LRRN1: variants seen among roughly 807,000 people sequenced by gnomAD.
LRRN1 encodes the protein leucine-rich repeat neuronal protein 1.
A neutral mutation model predicts 45.8 loss-of-function variants in LRRN1; 14 were observed. That is an observed-to-expected ratio of 0.31 (90% CI 0.20 to 0.48). The LOEUF (loss-of-function observed/expected upper bound fraction) is 0.48, where lower values mean the gene tolerates loss of function less well. LRRN1 is among the 20% of genes least tolerant of loss of function. The pLI, the probability that LRRN1 is intolerant of heterozygous loss-of-function variation, is 0.99. For missense variants in LRRN1, 789 were observed against 874.2 expected (o/e 0.90, Z 1.23); for synonymous variants, 359 against 330.1 (o/e 1.09, Z -0.95).
At chr3:3,822,004 T>G (rs1326152002) in intron 1 of LRRN1, among the ~76,000 whole-genome samples, 6 of 152,196 alleles carry the variant, frequency 3.9e-5, no homozygotes, top group Non-Finnish European at 8.8e-5. Flanking sequence ...GGAGTCTCCC[T>G]GCCCAGACGG....
intron 1 of LRRN1, among the ~76,000 whole-genome samples, chr3:3,833,306 T>C (rs1480732655): frequency 6.6e-6 from 1 of 152,208 alleles, no homozygotes; most frequent in Non-Finnish European, 1.5e-5. Flanking sequence ...GCTTGCTCAC[T>C]GTGGGCCATC....
In LRRN1 at chr3:3,849,160, C is replaced by T. The variant is rs566292448; in HGVS notation, c.*2368C>T. On this transcript the variant is annotated 3_prime_UTR_variant, in exon 2 of 2. Coordinates refer to ENST00000319331, the MANE Select transcript of LRRN1 (RefSeq NM_020873.7). ...AATTGCAAATCTGCGAGGTTTCATT[C>T]GGCCCATAAAGCAAACATTTGAACT... Among the ~76,000 whole-genome samples, 2 of 152,136 alleles carry T rather than the reference C, an allele frequency of 1.3e-5. No homozygotes were observed. Among genetic ancestry groups the T allele is most frequent in the African/African-American group, 2.4e-5 (1 of 41,424 alleles).
chr3:3,837,093 A>G (rs945495928), intron 1 of LRRN1, among the ~76,000 whole-genome samples: 6 of 152,136 alleles, frequency 3.9e-5, no homozygotes, highest in African/African-American at 1.4e-4. Context: ...CTTTCTCTGG[A>G]CTAAATTCCA....
rs1241867104 is a variant in LRRN1, at chr3:3,844,347, C to T, written c.-278-17C>T. On this transcript the variant is annotated splice_polypyrimidine_tract_variant and intron_variant, in intron 1 of 1. Transcript: ENST00000319331. ...TATATGGAATAAGCATAACATCTGTCCTAATCTAATTTTCAGGCACATCTC... is the reference window on the plus strand; with the variant it reads ...TATATGGAATAAGCATAACATCTGTTCTAATCTAATTTTCAGGCACATCTC... 9.2e-6 allele frequency: 3 copies of T among 325,926 alleles called. No homozygotes were observed. Among genetic ancestry groups the T allele is most frequent in the Admixed American group, 4.5e-5 (1 of 22,296 alleles). 20.2% of individuals were successfully genotyped at this position (325,926 alleles called of 1,614,324 possible). A position where few individuals can be genotyped will look rare whatever the true frequency, so the allele number is the denominator to read the frequency against.
intron 1 of LRRN1, among the ~76,000 whole-genome samples, chr3:3,814,484 G>A (rs1453353246): frequency 6.6e-6 from 1 of 151,868 alleles, no homozygotes; most frequent in Non-Finnish European, 1.5e-5. Flanking sequence ...CATCCTTTGT[G>A]AGTTGACTTT....
chr3:3,813,091 T>C (rs1426919042), intron 1 of LRRN1, among the ~76,000 whole-genome samples: 3 of 152,220 alleles, frequency 2.0e-5, no homozygotes, highest in African/African-American at 7.2e-5. Context: ...ACATTTCTCT[T>C]GCTTGGCATG....
At chr3:3,814,971 CT>C (rs369686341) in intron 1 of LRRN1, among the ~76,000 whole-genome samples, 2 of 152,078 alleles carry the variant, frequency 1.3e-5, no homozygotes, top group Admixed American at 1.3e-4. Context: ...CTTTTTAAAA[CT>C]TTTCTGTATT....
At chr3:3,813,078 GA>G (rs1336482041) in intron 1 of LRRN1, among the ~76,000 whole-genome samples, 1 of 152,094 alleles carries the variant, frequency 6.6e-6, no homozygotes, top group Admixed American at 6.5e-5. Context: ...GGTGATAGCC[GA>G]AACATTTCTC....
Position 3,845,628 on chromosome 3 carries a change from C to T in LRRN1, c.987C>T (p.His329=). ...ATNNPKLSYI[H]RLAFRSVPAL... Reference sequence around the variant, plus strand: ...ATAACCCTAAACTCTCTTACATCCACCGCTTGGCTTTCCGAAGTGTCCCTG... The same window carrying T: ...ATAACCCTAAACTCTCTTACATCCATCGCTTGGCTTTCCGAAGTGTCCCTG... Residue 329 remains histidine, a synonymous_variant, in exon 2 of 2, where the codon CAC becomes CAT. Transcript: ENST00000319331. This position sits in a 1 kb window ranked among gnomAD's most constrained non-coding sequence, Gnocchi z 6.5. 6.2e-7 allele frequency: 1 copy of T among 1,614,066 alleles called. No individual in the cohort carries two copies. Among genetic ancestry groups the T allele is most frequent in the Non-Finnish European group, 8.5e-7 (1 of 1,180,010 alleles).
intron 1 of LRRN1, chr3:3,804,333 A>C (rs535225375): frequency 6.6e-6 from 1 of 152,220 alleles, no homozygotes; most frequent in African/African-American, 2.4e-5. Context: ...TAAAAGGTTT[A>C]TGTAAGCCAT....
chr3:3,826,298 G>GGAAA (rs1231098337), intron 1 of LRRN1, among the ~76,000 whole-genome samples: 2 of 152,186 alleles, frequency 1.3e-5, no homozygotes, highest in African/African-American at 4.8e-5. Flanking sequence ...TGACACCAGA[G>GGAAA]GAAAGGGCTG....
rs368609376 is a variant in LRRN1 at position 3,805,294 on chromosome 3, C to G, written c.-279+5375C>G. On this transcript the variant is annotated intron_variant, in intron 1 of 1. Coordinates refer to ENST00000319331, the MANE Select transcript of LRRN1 (RefSeq NM_020873.7). Reference sequence around the variant, plus strand: ...TAATTGGTTTCATGCCTATAATTTTCCCCTCTAGAAAGAAAAATGTTAGCA... The same window carrying G: ...TAATTGGTTTCATGCCTATAATTTTGCCCTCTAGAAAGAAAAATGTTAGCA... Among the ~76,000 whole-genome samples the G allele has an allele frequency of 2.8e-4, 43 of 152,280 alleles. 5 individuals are homozygous for G. Among genetic ancestry groups the G allele is most frequent in the Admixed American group, 1.8e-3 (28 of 15,296 alleles).
In LRRN1 at chr3:3,845,693, C is replaced by G; in HGVS notation, c.1052C>G (p.Ala351Gly). ...ATGCTGAACAACAATGCCTTGAATG[C>G]CATTTACCAAAAGACAGTCGAATCC... ...SLMLNNNALN[A>G]IYQKTVESLP... Residue 351 changes from alanine (A) to glycine (G), a missense_variant, in exon 2 of 2, where the codon GCC (alanine) becomes GGC (glycine). By Grantham distance (60) the Ala-to-Gly change is moderately conservative. Coordinates refer to ENST00000319331, the MANE Select transcript of LRRN1 (RefSeq NM_020873.7). The surrounding 1 kb of genome is among the most constrained non-coding windows in gnomAD (Gnocchi z 6.5). 3.7e-6 allele frequency: 6 copies of G among 1,614,076 alleles called. No individual in the cohort carries two copies. The highest frequency in any genetic ancestry group is 5.1e-6 in the Non-Finnish European group (6 of 1,180,016).
At chr3:3,805,590 T>C (rs1692734583) in intron 1 of LRRN1, among the ~76,000 whole-genome samples, 1 of 152,212 alleles carries the variant, frequency 6.6e-6, no homozygotes, top group Non-Finnish European at 1.5e-5. Context: ...AATAATTTGA[T>C]TTCTGCCCCA....
intron 1 of LRRN1, among the ~76,000 whole-genome samples, chr3:3,842,988 C>G (rs1693679496): frequency 1.3e-5 from 2 of 152,180 alleles, no homozygotes; most frequent in Non-Finnish European, 2.9e-5. Context: ...CCTCAGCTTT[C>G]CTTCTTTTAC....
At chr3:3,804,649 G>T (rs766610218) in intron 1 of LRRN1, among the ~76,000 whole-genome samples, 4 of 152,176 alleles carry the variant, frequency 2.6e-5, no homozygotes, top group Non-Finnish European at 5.9e-5. Flanking sequence ...TAAATGAGTT[G>T]TAATTTTCCA....
At chr3:3,818,556 T>A (rs1693033719) in intron 1 of LRRN1, among the ~76,000 whole-genome samples, 2 of 152,068 alleles carry the variant, frequency 1.3e-5, no homozygotes, top group Non-Finnish European at 2.9e-5. Flanking sequence ...CAGAAAAAAA[T>A]TTTTCCCGTC....
chr3:3,836,498 T>C (rs2106467096), intron 1 of LRRN1, among the ~76,000 whole-genome samples: 1 of 152,342 alleles, frequency 6.6e-6, no homozygotes, highest in East Asian at 1.9e-4. Flanking sequence ...TTGTAGCATA[T>C]GACAGGACTT....
At chr3:3,801,815 G>A (rs1198697332) in intron 1 of LRRN1, among the ~76,000 whole-genome samples, 2 of 152,192 alleles carry the variant, frequency 1.3e-5, no homozygotes, top group Non-Finnish European at 1.5e-5. Flanking sequence ...GATATTCTAA[G>A]CTAGTTAGGA....
Sources: allele counts gnomAD v4.1 joint callset (sites outside exome capture counted in the v4.1 genomes callset), GRCh38; gene constraint gnomAD v4.1.1; non-coding constraint Gnocchi (gnomAD v3.1); transcripts MANE v1.5; gene names NCBI Gene and HGNC (gene_info 2026-07-23, HGNC 2026-07-21).